Variants in RAB38 observed in about 807,000 individuals in gnomAD.
RAB38 encodes the protein ras-related protein Rab-38.
RAB38 carries 15 observed loss-of-function variants against 18.4 expected under a neutral mutation model. The ratio of observed to expected loss-of-function variants is 0.82; its 90% CI spans 0.55 to 1.26. RAB38 has a LOEUF of 1.26. Among genes scored for constraint, RAB38 ranks in the 50% most tolerant of loss-of-function variants. The pLI, the probability that RAB38 is intolerant of heterozygous loss-of-function variation, is 0.00. For synonymous variants in RAB38, 101 were observed against 104.4 expected, an observed-to-expected ratio of 0.97 and a Z score of 0.20; for missense variants, 294 against 267.4, an observed-to-expected ratio of 1.10 and a Z score of -0.69.
At chr11:87,958,457 C>G in the RAB38 span, among the ~76,000 whole-genome samples, 38 of 152,150 alleles carry the variant, frequency 2.5e-4, no homozygotes, top group Non-Finnish European at 5.0e-4. Context: ...TCATACCTAT[C>G]TTATTCTTTC....
chr11:87,859,252 A>G, the RAB38 span, among the ~76,000 whole-genome samples: 1 of 152,054 alleles, frequency 6.6e-6, no homozygotes, highest in African/African-American at 2.4e-5. Flanking sequence ...AATTACAAAG[A>G]AATAATTAGC....
At chr11:88,055,158 G>A in the RAB38 span, among the ~76,000 whole-genome samples, 2 of 152,166 alleles carry the variant, frequency 1.3e-5, no homozygotes, top group Non-Finnish European at 2.9e-5. Flanking sequence ...GCTGGCTTGA[G>A]CCCAGGAGTT....
At chr11:88,013,366 C>T in the RAB38 span, among the ~76,000 whole-genome samples, 6 of 152,088 alleles carry the variant, frequency 3.9e-5, no homozygotes, top group Non-Finnish European at 5.9e-5. Flanking sequence ...ATATGTTCAA[C>T]AGAATAGAAG....
At chr11:88,089,033 G>C in the RAB38 span, among the ~76,000 whole-genome samples, 1 of 151,798 alleles carries the variant, frequency 6.6e-6, no homozygotes, top group African/African-American at 2.4e-5. Flanking sequence ...CACAACAACA[G>C]TTAAATCTCT....
At chr11:87,861,748 C>A in the RAB38 span, among the ~76,000 whole-genome samples, 3 of 151,892 alleles carry the variant, frequency 2.0e-5, no homozygotes, top group Non-Finnish European at 4.4e-5. Context: ...GCAAAAATTT[C>A]AATGGGAAAT....
At chr11:87,921,226 A>G in the RAB38 span, among the ~76,000 whole-genome samples, 1 of 152,080 alleles carries the variant, frequency 6.6e-6, no homozygotes, top group East Asian at 1.9e-4. Flanking sequence ...AAAGCAATCC[A>G]TATTAAGTAG....
chr11:88,051,414 C>G, the RAB38 span, among the ~76,000 whole-genome samples: 1 of 151,792 alleles, frequency 6.6e-6, no homozygotes, highest in Non-Finnish European at 1.5e-5. Flanking sequence ...CCACCTAGGT[C>G]CACCATACTA....
At chr11:88,134,981 T>C (rs578055111) in intron 2 of RAB38, among the ~76,000 whole-genome samples, 2 of 152,330 alleles carry the variant, frequency 1.3e-5, no homozygotes, top group East Asian at 1.9e-4. Flanking sequence ...GTTCCAAAAA[T>C]ACAGCTGTCA....
chr11:87,856,642 A>C, the RAB38 span, among the ~76,000 whole-genome samples: 1 of 152,168 alleles, frequency 6.6e-6, no homozygotes, highest in Non-Finnish European at 1.5e-5. Flanking sequence ...CAAATTTATC[A>C]TCAAGGTGCC....
At chr11:87,820,749 AT>A in the RAB38 span, among the ~76,000 whole-genome samples, 1 of 152,244 alleles carries the variant, frequency 6.6e-6, no homozygotes, top group Non-Finnish European at 1.5e-5. Context: ...AAATAATCAG[AT>A]CCAAATTATA....
chr11:88,112,603 G>A (rs764755199), downstream of RAB38, among the ~76,000 whole-genome samples: 1 of 152,044 alleles, frequency 6.6e-6, no homozygotes, highest in Middle Eastern at 3.4e-3. Flanking sequence ...GATAAACCTC[G>A]TCTCTATTAA....
At chr11:88,035,275 T>C in the RAB38 span, among the ~76,000 whole-genome samples, 1 of 152,244 alleles carries the variant, frequency 6.6e-6, no homozygotes, top group Non-Finnish European at 1.5e-5. Flanking sequence ...TCTTTTTATA[T>C]AGTTAATGCT....
At chr11:88,028,976 A>T in the RAB38 span, among the ~76,000 whole-genome samples, 1 of 152,186 alleles carries the variant, frequency 6.6e-6, no homozygotes, top group Non-Finnish European at 1.5e-5. Flanking sequence ...GGGCAGCCAG[A>T]GAGAAAGGTC....
At chr11:88,103,327 G>C in the RAB38 span, among the ~76,000 whole-genome samples, 1 of 151,908 alleles carries the variant, frequency 6.6e-6, no homozygotes, top group Non-Finnish European at 1.5e-5. Context: ...TTTTTCTCTA[G>C]TACATTTCCC....
At chr11:87,966,593 C>G in the RAB38 span, among the ~76,000 whole-genome samples, 1 of 152,084 alleles carries the variant, frequency 6.6e-6, no homozygotes, top group African/African-American at 2.4e-5. Flanking sequence ...TATAGTAAAT[C>G]AATAATGCTA....
At chr11:88,125,904 G>T (rs1045014121) in intron 2 of RAB38, among the ~76,000 whole-genome samples, 23 of 152,282 alleles carry the variant, frequency 1.5e-4, no homozygotes, top group African/African-American at 5.5e-4. Context: ...AAGGTGTAAG[G>T]AAGGGATCCA....
the RAB38 span, among the ~76,000 whole-genome samples, chr11:87,973,846 A>G: frequency 6.6e-6 from 1 of 151,964 alleles, no homozygotes; most frequent in African/African-American, 2.4e-5. Context: ...CAACTTGCTC[A>G]TTCATTTGAG....
chr11:88,084,572 TTC>T, the RAB38 span, among the ~76,000 whole-genome samples: 1 of 151,846 alleles, frequency 6.6e-6, no homozygotes, highest in Non-Finnish European at 1.5e-5. Context: ...GCATTACTAA[TTC>T]TGTTTTGATT....
intron 1 of RAB38, among the ~76,000 whole-genome samples, chr11:88,169,412 A>G (rs920141052): frequency 2.0e-5 from 3 of 152,170 alleles, no homozygotes; most frequent in African/African-American, 7.2e-5. Context: ...TAATAGAAAA[A>G]ACAATCCTGT....
Sources: gnomAD v4.1 joint callset for allele counts (sites outside exome capture counted in the v4.1 genomes callset) on GRCh38, gnomAD v4.1.1 for gene constraint, MANE v1.5 for transcripts, NCBI Gene and HGNC (gene_info 2026-07-23, HGNC 2026-07-21) for gene names.